The following EXOC3L2 variants were observed in gnomAD, a reference collection of about 807,000 sequenced individuals.
EXOC3L2 encodes exocyst complex component 3-like protein 2.
Under a neutral mutation model 44.4 loss-of-function variants are expected in EXOC3L2, and 17 were observed. That is an observed-to-expected ratio of 0.38 (90% CI 0.26 to 0.57). The LOEUF (loss-of-function observed/expected upper bound fraction) is 0.57, where lower values mean the gene tolerates loss of function less well. Among genes scored for constraint, EXOC3L2 ranks in the 20% least tolerant of loss-of-function variants. The probability of loss-of-function intolerance (pLI) is 0.65; values close to 1 mark genes in which losing one functional copy is unlikely to be tolerated. For missense variants in EXOC3L2, 541 were observed against 588.4 expected (o/e 0.92, Z 0.83); for synonymous variants, 256 against 253.7 (o/e 1.01, Z -0.09).
intron 11 of EXOC3L2, among the ~76,000 whole-genome samples, chr19:45,215,013 G>A (rs967116260): frequency 2.0e-5 from 3 of 151,804 alleles, no homozygotes; most frequent in African/African-American, 4.8e-5. Flanking sequence ...AAAATTAGCC[G>A]GGCGTGGTGG....
chr19:45,214,357 A>G (rs10420888), intron 11 of EXOC3L2, among the ~76,000 whole-genome samples: 26,688 of 152,114 alleles, frequency 0.18, 3,722 homozygotes, highest in African/African-American at 0.39. Context: ...TAGCACTGCA[A>G]GGACTGGCGT....
rs763420511 is a variant in EXOC3L2, at chr19:45,213,238, G to A, written c.2240C>T (p.Pro747Leu). 21 of 1,613,154 alleles carry A rather than the reference G, an allele frequency of 1.3e-5. No individual in the cohort carries two copies. In the South Asian group the frequency reaches 2.2e-4, roughly 17 times the overall value. Residue 747 changes from proline to leucine, a missense_variant, in exon 12 of 12, where the codon CCT (proline) becomes CTT (leucine). Physicochemically the swap from Pro to Leu is moderately conservative, Grantham distance 98. Coordinates refer to ENST00000413988, the MANE Select transcript of EXOC3L2 (RefSeq NM_001382422.1). Reference protein sequence around the residue: ...ELSEEGALSPPRDRAFFADIP... With the variant: ...ELSEEGALSPLRDRAFFADIP... ...GTCTGCAAAGAAGGCACGGTCCCGA[G>A]GGGGTGACAGGGCTCCCTCCTCAGA...
chr19:45,238,433 G>C lies in EXOC3L2; in HGVS notation c.523+90C>G, dbSNP rs1970102269. The C allele has an allele frequency of 2.5e-6, 1 of 399,548 alleles. No individual in the cohort carries two copies. Among genetic ancestry groups the C allele is most frequent in the Middle Eastern group, 6.3e-4 (1 of 1,588 alleles). 24.8% of individuals were successfully genotyped at this position (399,548 alleles called of 1,614,324 possible). ...GGGGTCACAGGTGGTAGCTGGGATG[G>C]GCTTAAGTATGAAGCCTGGGACCAC... is the stretch of plus-strand genomic sequence containing the variant. On this transcript the variant is annotated intron_variant, in intron 2 of 11. Coordinates refer to ENST00000413988, the MANE Select transcript of EXOC3L2 (RefSeq NM_001382422.1). The surrounding 1 kb of genome is among the most constrained non-coding windows in gnomAD (Gnocchi z 5.5).
At chr19:45,241,395 A>G (rs1205812441) in intron 1 of EXOC3L2, among the ~76,000 whole-genome samples, 2 of 150,964 alleles carry the variant, frequency 1.3e-5, no homozygotes, top group African/African-American at 2.4e-5. Flanking sequence ...GGAGAATGGC[A>G]TGAACGCGGA....
chr19:45,221,857 C>G (rs1969902117), intron 8 of EXOC3L2, among the ~76,000 whole-genome samples: 1 of 151,614 alleles, frequency 6.6e-6, no homozygotes, highest in Admixed American at 6.6e-5. Context: ...ATTATGTTGC[C>G]CAGGCTGGTC....
rs532776168 is a variant in EXOC3L2 at position 45,222,613 on chromosome 19, C to T, written c.1719+2165G>A. 7.9e-5 allele frequency among the ~76,000 whole-genome samples: 12 copies of T among 152,230 alleles called. No homozygotes were observed. In the South Asian group the frequency reaches 2.5e-3, roughly 32 times the overall value. On this transcript the variant is annotated intron_variant, in intron 8 of 11. Coordinates refer to ENST00000413988, the MANE Select transcript of EXOC3L2 (RefSeq NM_001382422.1). ...CAGTCTCTCCCTGTTTCTTTTGCTT[C>T]TGCTCTCTCTGTCTGTGTCTCTCTC...
intron 1 of EXOC3L2, 54 bp downstream of exon 1, chr19:45,245,287 T>G (rs1280004429): frequency 6.6e-6 from 1 of 152,178 alleles, no homozygotes; most frequent in African/African-American, 2.4e-5. Flanking sequence ...GCAACTGTTT[T>G]CCCAGTTGCC....
chr19:45,235,668 C>A (rs556973472), intron 2 of EXOC3L2, among the ~76,000 whole-genome samples: 1 of 152,162 alleles, frequency 6.6e-6, no homozygotes, highest in Non-Finnish European at 1.5e-5. Flanking sequence ...ACCTCCACCC[C>A]CCTCCACTTC....
intron 8 of EXOC3L2, among the ~76,000 whole-genome samples, chr19:45,222,697 C>G (rs1969911050): frequency 6.6e-6 from 1 of 152,124 alleles, no homozygotes; most frequent in South Asian, 2.1e-4. Context: ...TGCCTGTAAT[C>G]CCAGCCTGGG....
intron 1 of EXOC3L2, 68 bp from the exon 2 acceptor site, chr19:45,239,129 T>TGTACCAAGCACTTTGGGGTGAGC (rs1568484957): frequency 2.5e-6 from 1 of 397,818 alleles, no homozygotes; most frequent in African/African-American, 2.1e-5. Flanking sequence ...GGTGCCTCTG[T>TGTACCAAGCACTTTGGGGTGAGC]GTACCGAGCA....
chr19:45,213,104 GC>G lies in EXOC3L2; in HGVS notation c.2373del (p.Pro792LeufsTer4). On this transcript the variant is annotated frameshift_variant, in exon 12 of 12. Transcript: ENST00000413988. LOFTEE classifies it high-confidence loss of function. ...RPSLACLPRP[R>X]PPSLARPRAQ... is the part of the protein sequence containing the mutation. ...GCCCGAGGTCGCGCTAGAGACGGAG[GC>G]CGGGGCCGAGGCAGACAGGCCAAAC... 1 of 1,536,624 alleles carries G rather than the reference GC, an allele frequency of 6.5e-7. No homozygotes were observed. The highest frequency in any genetic ancestry group is 8.7e-7 in the Non-Finnish European group (1 of 1,146,222).
At chr19:45,236,621 A>G (rs10420259) in intron 2 of EXOC3L2, among the ~76,000 whole-genome samples, 2,806 of 152,002 alleles carry the variant, frequency 0.018, 69 homozygotes, top group African/African-American at 0.064. Context: ...AAGATAGATT[A>G]GGGATGAAGA....
At position 45,212,636 on chromosome 19, in the gene EXOC3L2, T is replaced by G; in HGVS notation, c.*433A>C. The G allele has an allele frequency of 6.6e-6, 1 of 151,064 alleles. No individual in the cohort carries two copies. Among genetic ancestry groups the G allele is most frequent in the African/African-American group, 2.5e-5 (1 of 39,598 alleles). The allele number at this position is 151,064 out of a possible 1,614,324, so 9.4% of individuals were successfully genotyped here. A position where few individuals can be genotyped will look rare whatever the true frequency, so the allele number is the denominator to read the frequency against. ...TTTTTTTTTTGAGAAAGGGTCTTGC[T>G]TTGTTGACCAGGCTGGAGTGCAGTG... On this transcript the variant is annotated 3_prime_UTR_variant, in exon 12 of 12. Coordinates refer to ENST00000413988, the MANE Select transcript of EXOC3L2 (RefSeq NM_001382422.1).
chr19:45,223,345 GT>G (rs918433764), intron 8 of EXOC3L2, among the ~76,000 whole-genome samples: 1 of 150,142 alleles, frequency 6.7e-6, no homozygotes, highest in Non-Finnish European at 1.5e-5. Flanking sequence ...AGGGGCTTCT[GT>G]TTTTTTGTTT....
intron 2 of EXOC3L2, among the ~76,000 whole-genome samples, chr19:45,235,111 G>T (rs1199175073): frequency 6.6e-6 from 1 of 152,062 alleles, no homozygotes; most frequent in African/African-American, 2.4e-5. Flanking sequence ...GACCAGCCTG[G>T]CCAACATGGC....
At chr19:45,244,310 A>G (rs1394231430) in intron 1 of EXOC3L2, among the ~76,000 whole-genome samples, 1 of 148,890 alleles carries the variant, frequency 6.7e-6, no homozygotes, top group African/African-American at 2.4e-5. Context: ...AACTGTCTCC[A>G]TCTTCCTCTC....
intron 4 of EXOC3L2, among the ~76,000 whole-genome samples, chr19:45,229,663 T>C (rs2122978335): frequency 6.7e-6 from 1 of 149,596 alleles, no homozygotes; most frequent in Non-Finnish European, 1.5e-5. Context: ...CTGAACAACA[T>C]GTAGAAACCC....
At chr19:45,228,362 C>G in intron 4 of EXOC3L2, 96 bp from the exon 5 acceptor site, 1 of 1,069,152 alleles carries the variant, frequency 9.4e-7, no homozygotes, top group Non-Finnish European at 1.4e-6. Flanking sequence ...TAGCCCTTAA[C>G]CCCAAGCAGT....
At chr19:45,225,298 T>C (rs1969946584) in intron 7 of EXOC3L2, among the ~76,000 whole-genome samples, 1 of 151,504 alleles carries the variant, frequency 6.6e-6, no homozygotes, top group Non-Finnish European at 1.5e-5. Context: ...AGACGGAGTC[T>C]CGCTCTGTCA....
Sources: allele counts gnomAD v4.1 joint callset (sites outside exome capture counted in the v4.1 genomes callset), GRCh38; gene constraint gnomAD v4.1.1; non-coding constraint Gnocchi (gnomAD v3.1); transcripts MANE v1.5; gene names NCBI Gene and HGNC (gene_info 2026-07-23, HGNC 2026-07-21).